The following CTNNA3 variants were observed in gnomAD, a reference collection of about 807,000 sequenced individuals.
The protein encoded by CTNNA3 is catenin alpha-3.
In CTNNA3, 76 loss-of-function variants were observed where a neutral mutation model predicts 95.7. That is an observed-to-expected ratio of 0.79 (90% CI 0.66 to 0.96). The LOEUF (loss-of-function observed/expected upper bound fraction) is 0.96. Among genes scored for constraint, CTNNA3 ranks in the 40% least tolerant of loss-of-function variants. The probability of loss-of-function intolerance (pLI) is 0.00; values close to 1 mark genes in which losing one functional copy is unlikely to be tolerated. For synonymous variants in CTNNA3, 431 were observed against 374.4 expected, an observed-to-expected ratio of 1.15 and a Z score of -1.74; for missense variants, 1,191 against 1,089.8, an observed-to-expected ratio of 1.09 and a Z score of -1.31.
chr10:67,738,547 C>T (rs577024985), intron 1 of CTNNA3, among the ~76,000 whole-genome samples: 16 of 152,250 alleles, frequency 1.1e-4, no homozygotes, highest in East Asian at 3.9e-4. Flanking sequence ...CTCCTCCAAA[C>T]GAACGCAGCT....
intron 3 of CTNNA3, among the ~76,000 whole-genome samples, chr10:67,560,277 A>C (rs1418983974): frequency 6.6e-6 from 1 of 151,216 alleles, no homozygotes; most frequent in African/African-American, 2.4e-5. Context: ...CAGCAGACTA[A>C]CAGCGGATGT....
chr10:66,524,270 A>G (rs1242644757), intron 10 of CTNNA3, among the ~76,000 whole-genome samples: 3 of 51,066 alleles, frequency 5.9e-5, no homozygotes, highest in Non-Finnish European at 1.4e-4. Flanking sequence ...TTCCTGGGTA[A>G]TGAGCTCCAT....
At chr10:66,644,317 T>C (rs962504023) in intron 9 of CTNNA3, among the ~76,000 whole-genome samples, 12 of 148,000 alleles carry the variant, frequency 8.1e-5, no homozygotes, top group African/African-American at 2.5e-4. Context: ...TATATATATA[T>C]ATATATAAAA....
chr10:66,462,755 T>C (rs564471658), intron 11 of CTNNA3, among the ~76,000 whole-genome samples: 1 of 152,224 alleles, frequency 6.6e-6, no homozygotes, highest in East Asian at 1.9e-4. Flanking sequence ...ATGAGGAAAC[T>C]GATATTTAAT....
At position 66,746,162 on chromosome 10, in the gene CTNNA3, G is replaced by A. The variant is rs150936083; in HGVS notation, c.1281+20102C>T. ...CTGGCTGTCTTCGGTCCAATCAGAC[G>A]TAACAAAGTTGGTTTTGCCATTGGG... On this transcript the variant is annotated intron_variant, in intron 9 of 17. Coordinates refer to ENST00000433211, the MANE Select transcript of CTNNA3 (RefSeq NM_013266.4). 5.8e-3 allele frequency among the ~76,000 whole-genome samples: 888 copies of A among 152,174 alleles called. 7 individuals carry two copies. Among genetic ancestry groups the A allele is most frequent in the Non-Finnish European group, 8.0e-3 (547 of 67,992 alleles).
chr10:67,060,990 A>G (rs1006420654), intron 7 of CTNNA3, among the ~76,000 whole-genome samples: 4 of 152,216 alleles, frequency 2.6e-5, no homozygotes, highest in Non-Finnish European at 5.9e-5. Context: ...ACCTGTCAAA[A>G]TAACCTCAAA....
chr10:67,470,444 C>T (rs1358579344), intron 5 of CTNNA3, among the ~76,000 whole-genome samples: 1 of 152,154 alleles, frequency 6.6e-6, no homozygotes, highest in Non-Finnish European at 1.5e-5. Flanking sequence ...TACTGATTTC[C>T]TACAAAAGTT....
intron 1 of CTNNA3, among the ~76,000 whole-genome samples, chr10:67,742,127 G>C (rs1328029188): frequency 6.6e-6 from 1 of 151,036 alleles, no homozygotes; most frequent in Non-Finnish European, 1.5e-5. Context: ...GGATATCCAG[G>C]AACTGAACTC....
chr10:66,703,232 T>C (rs1273085465), intron 9 of CTNNA3, among the ~76,000 whole-genome samples: 1 of 152,148 alleles, frequency 6.6e-6, no homozygotes, highest in Non-Finnish European at 1.5e-5. Context: ...CTTTAGTCAC[T>C]GCGTTCCAAG....
chr10:67,626,408 G>C (rs533733163), intron 2 of CTNNA3, among the ~76,000 whole-genome samples: 109 of 152,070 alleles, frequency 7.2e-4, no homozygotes, highest in Admixed American at 2.3e-3. Flanking sequence ...GTGCTCCCTT[G>C]GTTAAATCAT....
At chr10:66,021,400 G>T (rs1322764647) in intron 15 of CTNNA3, among the ~76,000 whole-genome samples, 2 of 152,108 alleles carry the variant, frequency 1.3e-5, no homozygotes, top group Non-Finnish European at 2.9e-5. Flanking sequence ...CAGGGGATTT[G>T]TGTTTGTCGT....
intron 5 of CTNNA3, among the ~76,000 whole-genome samples, chr10:67,226,841 A>T (rs1303999324): frequency 6.6e-6 from 1 of 152,172 alleles, no homozygotes; most frequent in African/African-American, 2.4e-5. Flanking sequence ...CAAAAAACCA[A>T]AGTACATAGA....
chr10:65,994,665 T>C (rs1056197557), intron 15 of CTNNA3, among the ~76,000 whole-genome samples: 3 of 152,160 alleles, frequency 2.0e-5, no homozygotes, highest in African/African-American at 7.2e-5. Flanking sequence ...TTTGGGGCTC[T>C]TTAAGCTTTC....
At chr10:66,359,224 A>G (rs1258540783) in intron 12 of CTNNA3, among the ~76,000 whole-genome samples, 1 of 151,712 alleles carries the variant, frequency 6.6e-6, no homozygotes, top group Admixed American at 6.5e-5. Context: ...GGCTCCTCAC[A>G]GGTAAATGTT....
chr10:66,564,170 G>T (rs111418250), intron 10 of CTNNA3, among the ~76,000 whole-genome samples: 1 of 152,054 alleles, frequency 6.6e-6, no homozygotes, highest in Non-Finnish European at 1.5e-5. Flanking sequence ...AGTTTTATGC[G>T]CTTATAATAA....
At chr10:66,995,061 T>C (rs1851254030) in intron 7 of CTNNA3, among the ~76,000 whole-genome samples, 1 of 152,156 alleles carries the variant, frequency 6.6e-6, no homozygotes, top group South Asian at 2.1e-4. Flanking sequence ...TCTAGATCTC[T>C]AGCCCAAGAT....
chr10:66,851,866 A>G (rs1209207321), intron 7 of CTNNA3, among the ~76,000 whole-genome samples: 1 of 152,102 alleles, frequency 6.6e-6, no homozygotes, highest in Admixed American at 6.6e-5. Context: ...ACGTACTAAT[A>G]CACCAATTAA....
intron 2 of CTNNA3, among the ~76,000 whole-genome samples, chr10:67,621,648 C>T (rs1337467705): frequency 6.6e-6 from 1 of 151,560 alleles, no homozygotes; most frequent in Non-Finnish European, 1.5e-5. Flanking sequence ...ACTCAGGAGG[C>T]TGAGGCAGAA....
chr10:66,522,040 G>A (rs1841085091), intron 10 of CTNNA3, among the ~76,000 whole-genome samples: 1 of 152,066 alleles, frequency 6.6e-6, no homozygotes, highest in South Asian at 2.1e-4. Flanking sequence ...CTATGGTGTT[G>A]GCTATTGCTT....
Sources: gnomAD v4.1 joint callset for allele counts (sites outside exome capture counted in the v4.1 genomes callset) on GRCh38, gnomAD v4.1.1 for gene constraint, MANE v1.5 for transcripts, NCBI Gene and HGNC (gene_info 2026-07-23, HGNC 2026-07-21) for gene names.